The following KCNT2 variants were observed in gnomAD, a reference collection of about 807,000 sequenced individuals.
KCNT2 encodes the protein potassium channel subfamily T member 2.
KCNT2 carries 67 observed loss-of-function variants against 153.8 expected under a neutral mutation model. That is an observed-to-expected ratio of 0.44 (90% CI 0.36 to 0.53). The LOEUF (loss-of-function observed/expected upper bound fraction) is 0.53, where lower values mean the gene tolerates loss of function less well. Among genes scored for constraint, KCNT2 ranks in the 20% least tolerant of loss-of-function variants. The pLI is 0.00. For synonymous variants in KCNT2, 500 were observed against 458.8 expected (o/e 1.09, Z -1.15); for missense variants, 975 against 1,354.8 (o/e 0.72, Z 4.40).
intron 26 of KCNT2, chr1:196,257,520 G>A: frequency 1.0e-6 from 1 of 959,056 alleles, no homozygotes; most frequent in East Asian, 1.2e-4. Flanking sequence ...CCTTTGACTG[G>A]ACTAAATATC....
intron 1 of KCNT2, among the ~76,000 whole-genome samples, chr1:196,588,556 T>C (rs1409596146): frequency 1.3e-5 from 2 of 152,064 alleles, no homozygotes; most frequent in Non-Finnish European, 2.9e-5. Flanking sequence ...GCAGTCACTT[T>C]TATTGTTATT....
chr1:196,307,904 A>G (rs1236229414), intron 21 of KCNT2, among the ~76,000 whole-genome samples: 1 of 152,076 alleles, frequency 6.6e-6, no homozygotes, highest in South Asian at 2.1e-4. Context: ...ATTTCATACC[A>G]TATGGGAGTT....
At chr1:196,298,425 A>G (rs914513908) in intron 22 of KCNT2, among the ~76,000 whole-genome samples, 1 of 152,202 alleles carries the variant, frequency 6.6e-6, no homozygotes, top group Admixed American at 6.5e-5. Context: ...GCATATGATT[A>G]CAATGTTATT....
At chr1:196,420,533 T>C (rs939241329) in intron 12 of KCNT2, among the ~76,000 whole-genome samples, 1 of 151,942 alleles carries the variant, frequency 6.6e-6, no homozygotes, top group Non-Finnish European at 1.5e-5. Flanking sequence ...GATTTCATTT[T>C]AGAGTGATCA....
chr1:196,536,248 T>C (rs1186304720), intron 1 of KCNT2, among the ~76,000 whole-genome samples: 1 of 152,260 alleles, frequency 6.6e-6, no homozygotes, highest in African/African-American at 2.4e-5. Context: ...TCCTACCATA[T>C]GTCTTGCCAT....
chr1:196,538,490 C>A (rs530095684), intron 1 of KCNT2, among the ~76,000 whole-genome samples: 2 of 152,258 alleles, frequency 1.3e-5, no homozygotes, highest in South Asian at 4.1e-4. Context: ...AGCCTGGATG[C>A]AAGTCGTGGG....
rs10922079 is a variant in KCNT2 at position 196,534,554 on chromosome 1, G to A, written c.96-42213C>T. Reference sequence around the variant, plus strand: ...AAACAGGAAGTCCAAGAAAGCTGTCGTGAACTAATTTAGCATTAAGTGGAA... The same window carrying A: ...AAACAGGAAGTCCAAGAAAGCTGTCATGAACTAATTTAGCATTAAGTGGAA... On this transcript the variant is annotated intron_variant, in intron 1 of 27. Coordinates refer to ENST00000294725, the MANE Select transcript of KCNT2 (RefSeq NM_198503.5). Among the ~76,000 whole-genome samples, 497 of 152,196 alleles carry A rather than the reference G, an allele frequency of 3.3e-3. 4 individuals are homozygous for A. Among genetic ancestry groups the A allele is most frequent in the African/African-American group, 0.011 (467 of 41,542 alleles).
chr1:196,445,363 C>A (rs1425085010), intron 8 of KCNT2, among the ~76,000 whole-genome samples: 1 of 151,296 alleles, frequency 6.6e-6, no homozygotes, highest in Non-Finnish European at 1.5e-5. Flanking sequence ...GATAACAAGA[C>A]CAAATAGTCT....
At position 196,331,957 on chromosome 1, in the gene KCNT2, G is replaced by A. The variant is rs139465112; in HGVS notation, c.1998-696C>T. Among the ~76,000 whole-genome samples, 676 of 152,126 alleles carry A rather than the reference G, an allele frequency of 4.4e-3. 4 individuals carry two copies. The highest frequency in any genetic ancestry group is 0.015 in the African/African-American group (615 of 41,532). ...AAAAAACAGCCAACAGCATATTTCGGCTATACTGACTTTCAGAATGAAACT... is the reference window on the plus strand; with the variant it reads ...AAAAAACAGCCAACAGCATATTTCGACTATACTGACTTTCAGAATGAAACT... On this transcript the variant is annotated intron_variant, in intron 17 of 27. Transcript: ENST00000294725.
chr1:196,433,059 G>C (rs180773649), intron 8 of KCNT2, among the ~76,000 whole-genome samples: 28 of 151,632 alleles, frequency 1.8e-4, no homozygotes. Flanking sequence ...ATAAAATTGT[G>C]GGTGAGAACC....
At chr1:196,563,818 T>C (rs1366244119) in intron 1 of KCNT2, among the ~76,000 whole-genome samples, 1 of 151,968 alleles carries the variant, frequency 6.6e-6, no homozygotes, top group East Asian at 1.9e-4. Flanking sequence ...CAACATCCTT[T>C]CATAATAAAA....
intron 21 of KCNT2, among the ~76,000 whole-genome samples, chr1:196,310,370 A>G (rs1176463286): frequency 1.3e-5 from 2 of 151,868 alleles, no homozygotes; most frequent in Admixed American, 1.3e-4. Flanking sequence ...AATCTTTCAT[A>G]AATAATTTTA....
intron 5 of KCNT2, among the ~76,000 whole-genome samples, chr1:196,469,281 A>G (rs1452620293): frequency 6.6e-6 from 1 of 152,216 alleles, no homozygotes; most frequent in East Asian, 1.9e-4. Flanking sequence ...AGTAAAACAA[A>G]TGTTTGTAGA....
chr1:196,269,593 A>T (rs1657875048), intron 25 of KCNT2, among the ~76,000 whole-genome samples: 1 of 152,152 alleles, frequency 6.6e-6, no homozygotes, highest in Non-Finnish European at 1.5e-5. Flanking sequence ...CCAAGGAAGA[A>T]GTCTTTTTCT....
chr1:196,277,347 T>C (rs1052035385), intron 25 of KCNT2, among the ~76,000 whole-genome samples: 2 of 152,152 alleles, frequency 1.3e-5, no homozygotes, highest in African/African-American at 4.8e-5. Context: ...CCCACATCTG[T>C]ATTTTTAGGG....
chr1:196,302,556 T>C (rs1042382384), intron 22 of KCNT2, among the ~76,000 whole-genome samples: 9 of 152,154 alleles, frequency 5.9e-5, no homozygotes, highest in African/African-American at 2.2e-4. Context: ...GAAGACTATC[T>C]TCTGTTTCCC....
intron 1 of KCNT2, among the ~76,000 whole-genome samples, chr1:196,606,383 T>C (rs913077810): frequency 1.4e-4 from 21 of 152,308 alleles, no homozygotes; most frequent in Admixed American, 1.2e-3. Flanking sequence ...GCCACAAAAG[T>C]AGCCAAATCC....
At chr1:196,298,289 C>A (rs1420755890) in intron 22 of KCNT2, among the ~76,000 whole-genome samples, 1 of 152,138 alleles carries the variant, frequency 6.6e-6, no homozygotes, top group Non-Finnish European at 1.5e-5. Flanking sequence ...TAAACACCAG[C>A]CATAAGTCCT....
intron 1 of KCNT2, among the ~76,000 whole-genome samples, chr1:196,590,540 A>G (rs538790744): frequency 1.3e-5 from 2 of 152,226 alleles, no homozygotes; most frequent in East Asian, 3.9e-4. Context: ...AGACCCTGGC[A>G]CTAGCCTCAT....
Sources: gnomAD v4.1 joint callset for allele counts (sites outside exome capture counted in the v4.1 genomes callset) on GRCh38, gnomAD v4.1.1 for gene constraint, MANE v1.5 for transcripts, NCBI Gene and HGNC (gene_info 2026-07-23, HGNC 2026-07-21) for gene names.